The following BTAF1 variants were observed in gnomAD, a reference collection of about 807,000 sequenced individuals.
BTAF1 encodes B-TFIID TATA-box binding protein associated factor 1.
BTAF1 carries 38 observed loss-of-function variants against 227.1 expected under a neutral mutation model. The ratio of observed to expected loss-of-function variants is 0.17; its 90% CI spans 0.13 to 0.22. BTAF1 has a LOEUF of 0.22. Among genes scored for constraint, BTAF1 ranks in the 10% least tolerant of loss-of-function variants. BTAF1 has a pLI of 1.00. For missense variants in BTAF1, 1,598 were observed against 2,204.0 expected, an observed-to-expected ratio of 0.73 and a Z score of 5.51; for synonymous variants, 742 against 751.9, an observed-to-expected ratio of 0.99 and a Z score of 0.21.
At chr10:92,008,686 T>G (rs1282181026) in intron 26 of BTAF1, 143 bp from the exon 27 acceptor site, 19 of 710,744 alleles carry the variant, frequency 2.7e-5, no homozygotes, top group East Asian at 3.2e-5. Context: ...TAAAATCTTG[T>G]GTTTAGTGTC....
chr10:91,974,138 A>T (rs1289872926), intron 14 of BTAF1, among the ~76,000 whole-genome samples: 1 of 152,212 alleles, frequency 6.6e-6, no homozygotes, highest in African/African-American at 2.4e-5. Flanking sequence ...TAACTTCTCA[A>T]GCTATACCTC....
intron 14 of BTAF1, among the ~76,000 whole-genome samples, chr10:91,977,625 A>G (rs1589858403): frequency 6.6e-6 from 1 of 152,238 alleles, no homozygotes; most frequent in Non-Finnish European, 1.5e-5. Context: ...TGGTAAGAGT[A>G]TTTTTAATTT....
At chr10:91,981,587 T>TA in intron 15 of BTAF1, 56 bp from the exon 16 acceptor site, 1 of 1,517,444 alleles carries the variant, frequency 6.6e-7, no homozygotes, top group Non-Finnish European at 8.8e-7. Flanking sequence ...AGATAAGTGT[T>TA]AGAGTTTATT....
chr10:91,938,982 A>G (rs1247735555), intron 2 of BTAF1, among the ~76,000 whole-genome samples: 1 of 129,066 alleles, frequency 7.7e-6, no homozygotes, highest in Non-Finnish European at 1.7e-5. Context: ...CTGCAAAAAA[A>G]AAAAAAAGGG....
intron 35 of BTAF1, among the ~76,000 whole-genome samples, chr10:92,025,199 G>C (rs1235497413): frequency 6.6e-6 from 1 of 152,070 alleles, no homozygotes; most frequent in African/African-American, 2.4e-5. Context: ...ACTCTGAAGA[G>C]CATGAAAGAA....
intron 28 of BTAF1, among the ~76,000 whole-genome samples, chr10:92,009,850 A>T (rs1189768256): frequency 2.0e-5 from 3 of 151,908 alleles, no homozygotes; most frequent in African/African-American, 7.3e-5. Flanking sequence ...CTAACTGTAA[A>T]TTTTTTCAAG....
rs768291253 is a variant in BTAF1 at position 91,956,634 on chromosome 10, G to A, written c.808G>A (p.Asp270Asn). 5 of 1,610,142 alleles carry A rather than the reference G, an allele frequency of 3.1e-6. No individual in the cohort carries two copies. Among genetic ancestry groups the A allele is most frequent in the Non-Finnish European group, 4.2e-6 (5 of 1,178,826 alleles). The change falls in exon 7 of 38, where the codon GAC (aspartate) becomes AAC (asparagine). Residue 270 changes from aspartate (D) to asparagine (N), a missense_variant. Coordinates refer to ENST00000265990, the MANE Select transcript of BTAF1 (RefSeq NM_003972.3). ...DSKVLIDNIPDSSSLIEETNE... is the reference protein window; with the variant it reads ...DSKVLIDNIPNSSSLIEETNE... ...CAAAGTCTTGATTGATAATATTCCA[G>A]ACAGCTCTTCCTTAATTGAAGAGGT...
rs1434061708 is a variant in BTAF1 at position 92,024,839 on chromosome 10, A to G, written c.4947A>G (p.Ile1649Met). The change falls in exon 35 of 38, where the codon ATA becomes ATG. Residue 1649 changes from isoleucine (I) to methionine (M), a missense_variant. By Grantham distance (10) the Ile-to-Met change is conservative (BLOSUM62 1). This residue lies in a region of BTAF1 where 205 missense variants were observed against 244.5 expected (regional missense o/e 0.84). Transcript: ENST00000265990. ...TTGTGGCCCAGCACAGGATACTGAT[A>G]TTCTGTCAGCTGAAAAGCATGCTTG... ...ESVVAQHRIL[I>M]FCQLKSMLDI... The G allele has an allele frequency of 6.2e-7, 1 of 1,613,224 alleles. No homozygotes were observed. The highest frequency in any genetic ancestry group is 1.7e-5 in the Admixed American group (1 of 59,876).
chr10:91,933,967 C>A (rs1257526579), intron 1 of BTAF1, among the ~76,000 whole-genome samples: 1 of 152,110 alleles, frequency 6.6e-6, no homozygotes, highest in African/African-American at 2.4e-5. Context: ...ATTTTTTCCC[C>A]TTTCTTGGTC....
rs536923032 is a variant in BTAF1 at position 92,009,490 on chromosome 10, G to A, written c.4103+282G>A. Among the ~76,000 whole-genome samples, 19 of 152,280 alleles carry A rather than the reference G, an allele frequency of 1.2e-4. No homozygotes were observed. The South Asian group carries it at 3.5e-3, about 28-fold the overall frequency. On this transcript the variant is annotated intron_variant, in intron 28 of 37. Coordinates refer to ENST00000265990, the MANE Select transcript of BTAF1 (RefSeq NM_003972.3). ...CCCCTTTTGGGAGTCTGTGACCATA[G>A]CATCTTTTTGGTGCTTCTGTTTTAT...
chr10:91,960,208 T>G (rs1846403284), intron 11 of BTAF1, 54 bp downstream of exon 11: 11 of 1,540,488 alleles, frequency 7.1e-6, no homozygotes, highest in Non-Finnish European at 9.7e-6. Context: ...CCCCTTATAG[T>G]TTATTTTCAC....
chr10:91,972,215 C>G (rs952011862), intron 14 of BTAF1, among the ~76,000 whole-genome samples: 8 of 152,182 alleles, frequency 5.3e-5, no homozygotes, highest in Non-Finnish European at 1.2e-4. Flanking sequence ...TCTTGGTTTT[C>G]TAATACTTGG....
At chr10:91,980,389 T>G in intron 14 of BTAF1, 65 bp from the exon 15 acceptor site, 1 of 1,179,638 alleles carries the variant, frequency 8.5e-7, no homozygotes, top group Non-Finnish European at 1.3e-6. Context: ...TGACATATAA[T>G]TCTTCAGGTA....
At chr10:91,957,086 CTTAA>C (rs975043049) in intron 7 of BTAF1, 135 bp from the exon 8 acceptor site, 2 of 535,488 alleles carry the variant, frequency 3.7e-6, no homozygotes, top group Non-Finnish European at 6.5e-6. Context: ...AAAAATATAT[CTTAA>C]TTAGTTAAAA....
intron 20 of BTAF1, among the ~76,000 whole-genome samples, chr10:91,990,277 A>G (rs1848648521): frequency 6.6e-6 from 1 of 152,176 alleles, no homozygotes; most frequent in Non-Finnish European, 1.5e-5. Context: ...ATGTTTATGA[A>G]CTAGAAGAAG....
intron 22 of BTAF1, 139 bp downstream of exon 22, chr10:91,993,986 TG>T (rs1035614446): frequency 2.8e-5 from 18 of 649,358 alleles, no homozygotes; most frequent in Admixed American, 8.0e-5. Flanking sequence ...AATGGAAACT[TG>T]GTTTAAAAAA....
Position 91,951,426 on chromosome 10 carries a change from A to C in BTAF1, c.424A>C (p.Ile142Leu). 1 of 1,612,450 alleles carries C rather than the reference A, an allele frequency of 6.2e-7. No individual in the cohort carries two copies. The highest frequency in any genetic ancestry group is 8.5e-7 in the Non-Finnish European group (1 of 1,179,530). ...KSGEVDPKER[I>L]ARQRKLLQKK... ...AGGTGAAGTGGATCCTAAAGAGAGG[A>C]TAGCACGCCAACGAAAATTATTACA... The change falls in exon 5 of 38, where the codon ATA becomes CTA. Residue 142 changes from isoleucine to leucine, a missense_variant. Physicochemically the swap from Ile to Leu is conservative, Grantham distance 5 (BLOSUM62 2). Around this residue, in one of 10 missense-constraint regions of BTAF1, gnomAD observed 298 missense variants for 395.2 expected, o/e 0.75. Coordinates refer to ENST00000265990, the MANE Select transcript of BTAF1 (RefSeq NM_003972.3).
rs535810521 is a variant in BTAF1 at position 91,962,760 on chromosome 10, C to G, written c.1404+82C>G. On this transcript the variant is annotated intron_variant, in intron 12 of 37. Transcript: ENST00000265990. The stretch of plus-strand genomic sequence containing the variant: ...GGAGTATTAGAAAATACATTGTGTA[C>G]ATTTTTCTCCTTCATCTTCAATTTT... The G allele has an allele frequency of 1.3e-5, 16 of 1,274,204 alleles. No individual in the cohort carries two copies. The Middle Eastern group carries it at 2.8e-3, about 225-fold the overall frequency. 78.9% of individuals were successfully genotyped at this position (1,274,204 alleles called of 1,614,324 possible). A position where few individuals can be genotyped will look rare whatever the true frequency, so the allele number is the denominator to read the frequency against.
intron 25 of BTAF1, among the ~76,000 whole-genome samples, chr10:92,005,727 C>A (rs1448663355): frequency 6.6e-6 from 1 of 152,006 alleles, no homozygotes; most frequent in African/African-American, 2.4e-5. Flanking sequence ...TTAAATAATT[C>A]ATTTAAATAA....
Sources: gnomAD v4.1 joint callset for allele counts (sites outside exome capture counted in the v4.1 genomes callset) on GRCh38, gnomAD v4.1.1 for gene constraint, gnomAD v4.1.1 regional missense constraint, MANE v1.5 for transcripts, NCBI Gene and HGNC (gene_info 2026-07-23, HGNC 2026-07-21) for gene names.